The following ITPR2 variants were observed in gnomAD, a reference collection of about 807,000 sequenced individuals.
The protein encoded by ITPR2 is inositol 1,4,5-trisphosphate-gated calcium channel ITPR2.
ITPR2 carries 207 observed loss-of-function variants against 317.1 expected under a neutral mutation model. The ratio of observed to expected loss-of-function variants is 0.65; its 90% CI spans 0.58 to 0.73. The LOEUF is 0.73. Ranked by LOEUF, ITPR2 falls within the 30% of genes least tolerant of loss-of-function variation. ITPR2 has a pLI of 0.00. For missense variants in ITPR2, 2,613 were observed against 3,284.0 expected, an observed-to-expected ratio of 0.80 and a Z score of 4.99; for synonymous variants, 1,156 against 1,149.1, an observed-to-expected ratio of 1.01 and a Z score of -0.12.
At position 26,423,296 on chromosome 12, in the gene ITPR2, C is replaced by T. The variant is rs560420398; in HGVS notation, c.6946-4083G>A. ...GAACATATGGTGGAACTCGACCTTA[C>T]GAATTAGCAGTAACATAAGACCTCC... On this transcript the variant is annotated intron_variant, in intron 49 of 56. Transcript: ENST00000381340. Among the ~76,000 whole-genome samples the T allele has an allele frequency of 1.2e-4, 19 of 152,230 alleles. No homozygotes were observed. In the South Asian group the frequency reaches 2.5e-3, roughly 20 times the overall value.
intron 34 of ITPR2, among the ~76,000 whole-genome samples, chr12:26,577,213 G>A (rs548022807): frequency 2.0e-5 from 3 of 152,364 alleles, no homozygotes; most frequent in Admixed American, 1.3e-4. Flanking sequence ...CCAGAGATGA[G>A]GGCAATGTCC....
intron 8 of ITPR2, among the ~76,000 whole-genome samples, chr12:26,714,656 G>A (rs1021377152): frequency 2.0e-5 from 3 of 152,084 alleles, no homozygotes; most frequent in Non-Finnish European, 4.4e-5. Context: ...GAGAATCACC[G>A]CTAGTGGTTT....
At chr12:26,466,133 T>C (rs1447493240) in intron 45 of ITPR2, among the ~76,000 whole-genome samples, 1 of 152,246 alleles carries the variant, frequency 6.6e-6, no homozygotes, top group East Asian at 1.9e-4. Flanking sequence ...ATAATGGCTG[T>C]TGAATTAAAC....
intron 51 of ITPR2, among the ~76,000 whole-genome samples, chr12:26,413,732 A>C (rs1565513031): frequency 6.6e-6 from 1 of 152,164 alleles, no homozygotes; most frequent in Non-Finnish European, 1.5e-5. Context: ...AATGTGTATA[A>C]ATATTTTTAA....
chr12:26,504,204 C>T (rs1019756195), intron 37 of ITPR2, among the ~76,000 whole-genome samples: 1 of 152,086 alleles, frequency 6.6e-6, no homozygotes, highest in Admixed American at 6.5e-5. Flanking sequence ...TTAGTTTTAA[C>T]ACAAGAAATG....
chr12:26,828,190 A>T (rs1448819352), intron 1 of ITPR2, among the ~76,000 whole-genome samples: 1 of 152,222 alleles, frequency 6.6e-6, no homozygotes, highest in Non-Finnish European at 1.5e-5. Context: ...CAGAAGAGAA[A>T]GAAAATTCAA....
chr12:26,632,108 A>C, intron 21 of ITPR2, 49 bp from the exon 22 acceptor site: 10 of 1,427,972 alleles, frequency 7.0e-6, no homozygotes, highest in Non-Finnish European at 8.4e-6. Flanking sequence ...CCTGGAGATC[A>C]TGTAACTATA....
At chr12:26,406,119 C>T (rs892671650) in intron 52 of ITPR2, among the ~76,000 whole-genome samples, 24 of 151,770 alleles carry the variant, frequency 1.6e-4, no homozygotes, top group East Asian at 3.9e-4. Context: ...AAAATTTTAA[C>T]GAGAAAAAAA....
chr12:26,585,831 T>A (rs968195106), intron 32 of ITPR2, among the ~76,000 whole-genome samples: 4 of 152,216 alleles, frequency 2.6e-5, no homozygotes, highest in Non-Finnish European at 4.4e-5. Context: ...TATACTCTCA[T>A]CAGCAGGATA....
intron 55 of ITPR2, among the ~76,000 whole-genome samples, chr12:26,363,144 C>T (rs1938892861): frequency 6.6e-6 from 1 of 152,176 alleles, no homozygotes; most frequent in Admixed American, 6.5e-5. Flanking sequence ...CGCCTGAGCT[C>T]CACCTCCGGT....
At chr12:26,374,412 A>G (rs1038677083) in intron 55 of ITPR2, among the ~76,000 whole-genome samples, 12 of 152,242 alleles carry the variant, frequency 7.9e-5, no homozygotes, top group African/African-American at 2.7e-4. Context: ...CATCTAGGAC[A>G]TTATAGGTGC....
chr12:26,544,872 G>A (rs192600245), intron 37 of ITPR2, among the ~76,000 whole-genome samples: 14 of 152,186 alleles, frequency 9.2e-5, no homozygotes, highest in Admixed American at 1.3e-4. Context: ...GTGACTTAAC[G>A]CAATTCACTT....
Position 26,711,297 on chromosome 12 carries a change from A to C in ITPR2, c.856-29T>G, listed in dbSNP as rs1242333373. 3 of 1,470,098 alleles carry C rather than the reference A, an allele frequency of 2.0e-6. No individual in the cohort carries two copies. In the South Asian group the frequency reaches 3.4e-5, roughly 17 times the overall value. 91.1% of individuals were successfully genotyped at this position (1,470,098 alleles called of 1,614,324 possible). A position where few individuals can be genotyped will look rare whatever the true frequency, so the allele number is the denominator to read the frequency against. ...CAAAGAGAGCAACGATAGTAATGGC[A>C]AAACAATATTTATGTTCCTGGCAAG... is the stretch of plus-strand genomic sequence containing the variant. On this transcript the variant is annotated intron_variant, in intron 8 of 56. Transcript: ENST00000381340.
At chr12:26,418,448 A>AATC (rs1400846332) in intron 50 of ITPR2, among the ~76,000 whole-genome samples, 1 of 152,168 alleles carries the variant, frequency 6.6e-6, no homozygotes, top group Non-Finnish European at 1.5e-5. Flanking sequence ...TAGGAAGGTA[A>AATC]ATCAGAATTT....
intron 26 of ITPR2, among the ~76,000 whole-genome samples, chr12:26,615,969 T>A (rs1407022483): frequency 6.6e-6 from 1 of 152,018 alleles, no homozygotes; most frequent in Non-Finnish European, 1.5e-5. Context: ...CAATGGACAA[T>A]TACAAAACCT....
At chr12:26,619,414 C>A (rs1180260569) in intron 26 of ITPR2, among the ~76,000 whole-genome samples, 2 of 152,184 alleles carry the variant, frequency 1.3e-5, no homozygotes, top group Admixed American at 6.5e-5. Context: ...CCAGGTAATT[C>A]AGGGTGGTGT....
chr12:26,824,127 G>A (rs576120294), intron 1 of ITPR2, among the ~76,000 whole-genome samples: 42 of 152,054 alleles, frequency 2.8e-4, no homozygotes, highest in Non-Finnish European at 4.7e-4. Flanking sequence ...CCTTCTTTAC[G>A]TGTTCTCAGA....
intron 33 of ITPR2, 112 bp from the exon 34 acceptor site, chr12:26,578,945 T>C (rs1442797237): frequency 2.7e-6 from 3 of 1,120,390 alleles, no homozygotes; most frequent in East Asian, 5.3e-5. Flanking sequence ...ATACAATCTT[T>C]CAAGTTTCAG....
chr12:26,355,750 C>T (rs1452119514), intron 55 of ITPR2, among the ~76,000 whole-genome samples: 3 of 152,162 alleles, frequency 2.0e-5, no homozygotes, highest in African/African-American at 7.2e-5. Flanking sequence ...AGTCTTTCAT[C>T]CCTGGTCTCT....
Sources: gnomAD v4.1 joint callset for allele counts (sites outside exome capture counted in the v4.1 genomes callset) on GRCh38, gnomAD v4.1.1 for gene constraint, MANE v1.5 for transcripts, NCBI Gene and HGNC (gene_info 2026-07-23, HGNC 2026-07-21) for gene names.